The following RGL3 variants were observed in gnomAD, a reference collection of about 807,000 sequenced individuals.
RGL3 encodes ral guanine nucleotide dissociation stimulator like 3, also known as ral guanine nucleotide dissociation stimulator-like 3.
RGL3 carries 85 observed loss-of-function variants against 90.6 expected under a neutral mutation model. The observed-to-expected ratio is 0.94, with a 90% CI of 0.79 to 1.12. The LOEUF is 1.12. Among genes scored for constraint, RGL3 ranks in the 50% most tolerant of loss-of-function variants. The pLI, the probability that RGL3 is intolerant of heterozygous loss-of-function variation, is 0.00. For synonymous variants in RGL3, 408 were observed against 385.5 expected (o/e 1.06, Z -0.68); for missense variants, 1,034 against 939.2 (o/e 1.10, Z -1.32).
chr19:11,418,612 A>C (rs1161191477), intron 2 of RGL3, 59 bp downstream of exon 2: 1 of 1,361,214 alleles, frequency 7.3e-7, no homozygotes. Context: ...TCGGCTCTCC[A>C]GCTCCGCCCT....
intron 7 of RGL3, among the ~76,000 whole-genome samples, chr19:11,405,910 C>T (rs1444670220): frequency 2.5e-3 from 330 of 132,896 alleles, no homozygotes; most frequent in African/African-American, 9.3e-3. Context: ...TTTTTTTTTT[C>T]TAGAAACATT....
chr19:11,398,993 C>T (rs1968624708), intron 16 of RGL3, among the ~76,000 whole-genome samples: 1 of 152,004 alleles, frequency 6.6e-6, no homozygotes, highest in Admixed American at 6.6e-5. Flanking sequence ...AACAGGATCT[C>T]GCTCTATCAT....
At chr19:11,414,472 T>TATATAC (rs1968947453) in intron 5 of RGL3, among the ~76,000 whole-genome samples, 1 of 98,890 alleles carries the variant, frequency 1.0e-5, no homozygotes, top group Non-Finnish European at 1.9e-5. Flanking sequence ...TTCATATATA[T>TATATAC]ATATATATAT....
intron 9 of RGL3, among the ~76,000 whole-genome samples, chr19:11,403,252 G>GT (rs1968712283): frequency 6.6e-6 from 1 of 150,758 alleles, no homozygotes; most frequent in South Asian, 2.1e-4. Context: ...AGCCAGGATG[G>GT]TCTCGATCTC....
intron 7 of RGL3, among the ~76,000 whole-genome samples, chr19:11,405,928 CTA>C (rs915364262): frequency 1.3e-5 from 2 of 149,514 alleles, no homozygotes; most frequent in Non-Finnish European, 3.0e-5. Flanking sequence ...ATTGGTCTCA[CTA>C]TGTTGCCTAG....
intron 9 of RGL3, among the ~76,000 whole-genome samples, chr19:11,404,013 C>G (rs1186563977): frequency 1.3e-5 from 2 of 152,182 alleles, no homozygotes; most frequent in African/African-American, 4.8e-5. Context: ...TCCTGAATAG[C>G]TGGGACTACA....
At chr19:11,410,704 A>G (rs933390702) in intron 5 of RGL3, among the ~76,000 whole-genome samples, 30 of 152,088 alleles carry the variant, frequency 2.0e-4, no homozygotes, top group Admixed American at 5.2e-4. Context: ...CCCAAAAAAA[A>G]GTGGGCCCTG....
intron 5 of RGL3, among the ~76,000 whole-genome samples, chr19:11,410,251 T>G (rs1394362589): frequency 5.9e-5 from 9 of 151,980 alleles, no homozygotes; most frequent in Admixed American, 5.9e-4. Flanking sequence ...TCCTCCTGCC[T>G]CGGCTTCCCA....
At chr19:11,399,723 G>A (rs895160194) in intron 16 of RGL3, 132 bp downstream of exon 16, 4 of 496,690 alleles carry the variant, frequency 8.1e-6, no homozygotes, top group East Asian at 3.5e-5. Flanking sequence ...TACCCCGGGC[G>A]CTCAGTGTGC....
At chr19:11,394,579 A>G (rs1968533027) in intron 18 of RGL3, 59 bp from the exon 19 acceptor site, 6 of 1,310,708 alleles carry the variant, frequency 4.6e-6, no homozygotes, top group Non-Finnish European at 6.6e-6. Context: ...ACCCCCACAG[A>G]GGACCCGGGA....
rs1175284274 is a variant in RGL3, at chr19:11,418,443, C to T, written c.147+228G>A. ...GTCCTTACCAAGTTGTCCCTAGGCT[C>T]CTCTCGGGAACTGCGCGGCCATCGC... On this transcript the variant is annotated intron_variant, in intron 2 of 18. Transcript: ENST00000380456. The T allele has an allele frequency of 3.1e-5, 18 of 575,918 alleles. No homozygotes were observed. In the East Asian group the frequency reaches 5.4e-4, roughly 17 times the overall value. 35.7% of individuals were successfully genotyped at this position (575,918 alleles called of 1,614,324 possible).
intron 2 of RGL3, among the ~76,000 whole-genome samples, chr19:11,417,750 G>A (rs1207024670): frequency 6.6e-6 from 1 of 152,184 alleles, no homozygotes; most frequent in East Asian, 1.9e-4. Context: ...GATTACAGGC[G>A]TGAGCCACCT....
Position 11,413,556 on chromosome 19 carries a change from AGGGC to A in RGL3, c.637+2377_637+2380del, listed in dbSNP as rs1164518271. 5.1e-3 allele frequency among the ~76,000 whole-genome samples: 727 copies of A among 143,232 alleles called. 7 individuals carry two copies. Among genetic ancestry groups the A allele is most frequent in the African/African-American group, 0.016 (628 of 38,216 alleles). 94.0% of individuals were successfully genotyped at this position (143,232 alleles called of 152,430 possible). On this transcript the variant is annotated intron_variant, in intron 5 of 18. Coordinates refer to ENST00000380456, the MANE Select transcript of RGL3 (RefSeq NM_001035223.4). ...TCTCAAAAAAAAAAAAAAAAAAAAAAGGGCAGGGTCAGGCACAGTAGCTCACACT... is the reference window on the plus strand; with the variant it reads ...TCTCAAAAAAAAAAAAAAAAAAAAAAAGGGTCAGGCACAGTAGCTCACACT...
intron 18 of RGL3, among the ~76,000 whole-genome samples, chr19:11,396,154 A>ATTTTT (rs1968566216): frequency 1.5e-5 from 1 of 65,896 alleles, no homozygotes. Context: ...ATATATATAT[A>ATTTTT]TATATTTTTT....
rs1318651603 is a variant in RGL3 at position 11,394,135 on chromosome 19, G to A, written c.*267C>T. On this transcript the variant is annotated 3_prime_UTR_variant, in exon 19 of 19. Transcript: ENST00000380456. ...TCTCTAACATTTATAAGATTTCTCT[G>A]GGGAGGGATTTGACGTATCCATGCC... 5.2e-6 allele frequency: 2 copies of A among 383,212 alleles called. No homozygotes were observed. The highest frequency in any genetic ancestry group is 9.7e-6 in the Non-Finnish European group (2 of 206,362). 23.7% of individuals were successfully genotyped at this position (383,212 alleles called of 1,614,324 possible). A position where few individuals can be genotyped will look rare whatever the true frequency, so the allele number is the denominator to read the frequency against.
chr19:11,409,585 C>G (rs1190500795), intron 5 of RGL3, among the ~76,000 whole-genome samples: 1 of 152,188 alleles, frequency 6.6e-6, no homozygotes, highest in Non-Finnish European at 1.5e-5. Flanking sequence ...TGTTCATAAA[C>G]ACAAATTTTT....
chr19:11,417,589 C>T (rs1408005311), intron 2 of RGL3, among the ~76,000 whole-genome samples: 2 of 151,276 alleles, frequency 1.3e-5, no homozygotes, highest in Non-Finnish European at 2.9e-5. Flanking sequence ...TCTGCCTCAG[C>T]CTCCCAAGTA....
chr19:11,414,156 TATA>T (rs1568341464), intron 5 of RGL3, among the ~76,000 whole-genome samples: 1 of 110,662 alleles, frequency 9.0e-6, no homozygotes, highest in Non-Finnish European at 1.7e-5. Context: ...TATATATATA[TATA>T]TATATATATA....
intron 5 of RGL3, among the ~76,000 whole-genome samples, chr19:11,407,834 G>A (rs1968809001): frequency 2.0e-5 from 3 of 151,384 alleles, no homozygotes; most frequent in East Asian, 3.9e-4. Context: ...TTACAGGCAC[G>A]AGCCACCACG....
Sources: allele counts gnomAD v4.1 joint callset (sites outside exome capture counted in the v4.1 genomes callset), GRCh38; gene constraint gnomAD v4.1.1; transcripts MANE v1.5; gene names NCBI Gene and HGNC (gene_info 2026-07-23, HGNC 2026-07-21).